The following UNC5C variants were observed in gnomAD, a reference collection of about 807,000 sequenced individuals.
UNC5C encodes netrin receptor UNC5C.
Under a neutral mutation model 99.8 loss-of-function variants are expected in UNC5C, and 47 were observed. The observed-to-expected ratio is 0.47, with a 90% CI of 0.37 to 0.60. The LOEUF (loss-of-function observed/expected upper bound fraction) is 0.60. UNC5C is among the 20% of genes least tolerant of loss of function. The pLI is 0.00. For missense variants in UNC5C, 1,062 were observed against 1,165.9 expected, an observed-to-expected ratio of 0.91 and a Z score of 1.30; for synonymous variants, 487 against 452.2, an observed-to-expected ratio of 1.08 and a Z score of -0.98.
At chr4:95,204,837 C>G (rs1162085149) in intron 11 of UNC5C, among the ~76,000 whole-genome samples, 1 of 152,190 alleles carries the variant, frequency 6.6e-6, no homozygotes, top group African/African-American at 2.4e-5. Flanking sequence ...TGAAAGGTTG[C>G]CACCTAGGTT....
chr4:95,279,283 G>A (rs957111200), intron 3 of UNC5C, among the ~76,000 whole-genome samples: 1 of 152,142 alleles, frequency 6.6e-6, no homozygotes. Flanking sequence ...TTAATTAGAA[G>A]ACTAGTCATT....
chr4:95,442,248 G>T (rs190979726), intron 1 of UNC5C, among the ~76,000 whole-genome samples: 1 of 152,194 alleles, frequency 6.6e-6, no homozygotes, highest in African/African-American at 2.4e-5. Context: ...TGTTGCCCAG[G>T]CTGGAGTGCA....
intron 1 of UNC5C, among the ~76,000 whole-genome samples, chr4:95,434,025 C>A (rs940354790): frequency 6.6e-6 from 1 of 152,016 alleles, no homozygotes; most frequent in Non-Finnish European, 1.5e-5. Flanking sequence ...TTATGTCTTC[C>A]CAGTTATGCT....
At chr4:95,502,548 T>C (rs934711529) in intron 1 of UNC5C, among the ~76,000 whole-genome samples, 4 of 152,120 alleles carry the variant, frequency 2.6e-5, no homozygotes, top group Admixed American at 6.6e-5. Flanking sequence ...GTTGAGATTA[T>C]AGGGGTGTGC....
At chr4:95,316,448 T>A (rs1742479720) in intron 2 of UNC5C, among the ~76,000 whole-genome samples, 1 of 152,084 alleles carries the variant, frequency 6.6e-6, no homozygotes, top group South Asian at 2.1e-4. Flanking sequence ...CACCCTCTCA[T>A]AGGCGCTTCG....
intron 2 of UNC5C, among the ~76,000 whole-genome samples, chr4:95,324,007 G>A (rs1413759738): frequency 1.3e-5 from 2 of 152,112 alleles, no homozygotes; most frequent in East Asian, 3.9e-4. Context: ...CTGCACTCCA[G>A]CCTGGGCAAC....
intron 10 of UNC5C, among the ~76,000 whole-genome samples, chr4:95,209,378 A>G (rs1737998063): frequency 6.6e-6 from 1 of 152,200 alleles, no homozygotes; most frequent in Non-Finnish European, 1.5e-5. Context: ...CTAAGAACAC[A>G]ATTAAAATTT....
intron 2 of UNC5C, among the ~76,000 whole-genome samples, chr4:95,333,441 A>G (rs1462181746): frequency 6.6e-6 from 1 of 152,030 alleles, no homozygotes. Flanking sequence ...TGAAATTGGA[A>G]ATCATCATTC....
At chr4:95,254,871 T>C (rs1739896495) in intron 4 of UNC5C, among the ~76,000 whole-genome samples, 2 of 152,244 alleles carry the variant, frequency 1.3e-5, no homozygotes, top group Admixed American at 1.3e-4. Context: ...CTTTCAAGTA[T>C]AAATTCCAAT....
rs1171703429 is a variant in UNC5C, at chr4:95,250,634, G to T, written c.628C>A (p.Pro210Thr). The part of the protein sequence containing the change: ...EWLKNEDIID[P>T]VEDRNFYITI... ...ATATAAAAATTCCGATCTTCAACGGGATCAATTATGTCTTCATTTTTCAAC... is the reference window on the plus strand; with the variant it reads ...ATATAAAAATTCCGATCTTCAACGGTATCAATTATGTCTTCATTTTTCAAC... The change falls in exon 5 of 16, where the codon CCC becomes ACC. Residue 210 changes from proline (P) to threonine (T), a missense_variant. By Grantham distance (38) the Pro-to-Thr change is conservative. Coordinates refer to ENST00000453304, the MANE Select transcript of UNC5C (RefSeq NM_003728.4). 6.2e-7 allele frequency: 1 copy of T among 1,613,814 alleles called. No individual in the cohort carries two copies.
chr4:95,268,501 C>T (rs756176341), intron 4 of UNC5C, among the ~76,000 whole-genome samples: 4 of 152,204 alleles, frequency 2.6e-5, no homozygotes, highest in Non-Finnish European at 5.9e-5. Context: ...CCACTTTTGG[C>T]ATCCTTTGCC....
At chr4:95,419,674 T>C (rs1746263303) in intron 1 of UNC5C, among the ~76,000 whole-genome samples, 1 of 152,184 alleles carries the variant, frequency 6.6e-6, no homozygotes, top group Non-Finnish European at 1.5e-5. Context: ...AATATAGTAA[T>C]GCAGTCACCA....
intron 1 of UNC5C, among the ~76,000 whole-genome samples, chr4:95,470,337 G>A (rs984847116): frequency 1.3e-5 from 2 of 152,108 alleles, no homozygotes; most frequent in African/African-American, 4.8e-5. Context: ...TCAAACGCAT[G>A]TTGTTCAAGG....
At chr4:95,182,006 G>C (rs1736631205) in intron 14 of UNC5C, among the ~76,000 whole-genome samples, 1 of 152,110 alleles carries the variant, frequency 6.6e-6, no homozygotes, top group Non-Finnish European at 1.5e-5. Context: ...CGCAGCACAG[G>C]GCTTAGCTCC....
At chr4:95,514,530 G>A (rs2149488385) in intron 1 of UNC5C, among the ~76,000 whole-genome samples, 1 of 151,320 alleles carries the variant, frequency 6.6e-6, no homozygotes, top group Middle Eastern at 3.4e-3. Flanking sequence ...TTCCTTCAAG[G>A]TACTTATCAC....
chr4:95,518,074 T>C (rs1287441208), intron 1 of UNC5C, among the ~76,000 whole-genome samples: 1 of 152,172 alleles, frequency 6.6e-6, no homozygotes, highest in Non-Finnish European at 1.5e-5. Flanking sequence ...ACTGAGATAG[T>C]GAACGTGTTA....
At chr4:95,298,184 T>C (rs1560775356) in intron 3 of UNC5C, among the ~76,000 whole-genome samples, 1 of 152,118 alleles carries the variant, frequency 6.6e-6, no homozygotes, top group Non-Finnish European at 1.5e-5. Context: ...TGGCGGCACA[T>C]GCCTGTAGTC....
chr4:95,480,148 T>C (rs1289151058), intron 1 of UNC5C, among the ~76,000 whole-genome samples: 2 of 151,570 alleles, frequency 1.3e-5, no homozygotes, highest in East Asian at 3.9e-4. Flanking sequence ...TATAACTGTC[T>C]GAGCCAATTC....
chr4:95,261,598 A>G (rs531519531), intron 4 of UNC5C, among the ~76,000 whole-genome samples: 1 of 152,366 alleles, frequency 6.6e-6, no homozygotes, highest in Admixed American at 6.5e-5. Context: ...TAGGATTTCA[A>G]GATAGGGCTG....
Sources: gnomAD v4.1 joint callset for allele counts (sites outside exome capture counted in the v4.1 genomes callset) on GRCh38, gnomAD v4.1.1 for gene constraint, MANE v1.5 for transcripts, NCBI Gene and HGNC (gene_info 2026-07-23, HGNC 2026-07-21) for gene names.